STAT1: variants seen among roughly 807,000 people sequenced by gnomAD.
STAT1 encodes the protein signal transducer and activator of transcription 1.
In STAT1, 24 loss-of-function variants were observed where a neutral mutation model predicts 111.7. That is an observed-to-expected ratio of 0.21 (90% CI 0.16 to 0.30). The LOEUF (loss-of-function observed/expected upper bound fraction) is 0.30. Ranked by LOEUF, STAT1 falls within the 10% of genes least tolerant of loss-of-function variation. The probability of loss-of-function intolerance (pLI) is 1.00; values close to 1 mark genes in which losing one functional copy is unlikely to be tolerated. For synonymous variants in STAT1, 332 were observed against 326.5 expected (o/e 1.02, Z -0.18); for missense variants, 351 against 911.9 (o/e 0.38, Z 7.92).
rs2125018144 is a variant in STAT1, at chr2:190,982,370, A to C, written c.1582+13T>G. ...TCAATTTTTATAAACATAACAAGTT[A>C]ATATGCATATACCAAGAAGCTTCTC... On this transcript the variant is annotated intron_variant, in intron 18 of 24. Coordinates refer to ENST00000361099, the MANE Select transcript of STAT1 (RefSeq NM_007315.4). The surrounding 1 kb of genome is among the most constrained non-coding windows in gnomAD (Gnocchi z 7.3). The C allele has an allele frequency of 1.2e-6, 2 of 1,613,838 alleles. No individual in the cohort carries two copies. Among genetic ancestry groups the C allele is most frequent in the Non-Finnish European group, 1.7e-6 (2 of 1,179,674 alleles).
chr2:190,972,164 C>T (rs1421666446), intron 24 of STAT1, among the ~76,000 whole-genome samples: 1 of 152,204 alleles, frequency 6.6e-6, no homozygotes, highest in African/African-American at 2.4e-5. Context: ...CTCTCTAAAT[C>T]TCAAAGTCTT....
Position 190,997,717 on chromosome 2 carries a change from G to T in STAT1, c.785+139C>A. 7.5e-7 allele frequency: 1 copy of T among 1,327,870 alleles called. No homozygotes were observed. The highest frequency in any genetic ancestry group is 1.1e-6 in the Non-Finnish European group (1 of 949,444). The allele number at this position is 1,327,870 out of a possible 1,614,324, so 82.3% of individuals were successfully genotyped here. ...TGCTTTCCAAGGGAGTGTTTCCAGG[G>T]TAAGCAGAAGCTGGACTATGTCAAA... On this transcript the variant is annotated intron_variant, in intron 9 of 24. Coordinates refer to ENST00000361099, the MANE Select transcript of STAT1 (RefSeq NM_007315.4). The surrounding 1 kb of genome is among the most constrained non-coding windows in gnomAD (Gnocchi z 7.3).
rs1049476255 is a variant in STAT1, at chr2:190,977,833, C to T, written c.1874-808G>A. ...CAGGATAAGAGGAAAAGGGCAGGTT[C>T]TAATGACTACTGCCCACGCCAGACT... On this transcript the variant is annotated intron_variant, in intron 21 of 24. Transcript: ENST00000361099. The surrounding 1 kb of genome is among the most constrained non-coding windows in gnomAD (Gnocchi z 4.7). Among the ~76,000 whole-genome samples the T allele has an allele frequency of 6.6e-6, 1 of 152,170 alleles. No homozygotes were observed. The highest frequency in any genetic ancestry group is 1.5e-5 in the Non-Finnish European group (1 of 68,038).
intron 1 of STAT1, 63 bp downstream of exon 1, chr2:191,013,955 C>A (rs552976654): frequency 6.7e-5 from 20 of 296,402 alleles, no homozygotes; most frequent in African/African-American, 2.2e-4. Flanking sequence ...TCCAACTGCA[C>A]GGCCCGAGGA....
rs745369701 is a variant in STAT1 at position 190,989,713 on chromosome 2, ATC to A, written c.1038-41_1038-40del. 41 of 1,427,750 alleles carry A rather than the reference ATC, an allele frequency of 2.9e-5. No homozygotes were observed. Among genetic ancestry groups the A allele is most frequent in the Admixed American group, 8.9e-5 (5 of 56,208 alleles). The allele number at this position is 1,427,750 out of a possible 1,614,324, so 88.4% of individuals were successfully genotyped here. On this transcript the variant is annotated intron_variant, in intron 11 of 24. Transcript: ENST00000361099. This position sits in a 1 kb window ranked among gnomAD's most constrained non-coding sequence, Gnocchi z 5.0. Reference sequence around the variant, plus strand: ...TAAAAGCCATTACTTAAAAAAAATTATCTGTTACAATTTATTTATTATGCCAA... The same window carrying A: ...TAAAAGCCATTACTTAAAAAAAATTATGTTACAATTTATTTATTATGCCAA...
chr2:190,972,526 T>A (rs1691570311), intron 24 of STAT1, among the ~76,000 whole-genome samples: 1 of 152,138 alleles, frequency 6.6e-6, no homozygotes, highest in Non-Finnish European at 1.5e-5. Flanking sequence ...AGCTGCAACC[T>A]CCAGACTTGG....
At chr2:190,972,791 T>C (rs930459434) in intron 24 of STAT1, among the ~76,000 whole-genome samples, 1 of 149,604 alleles carries the variant, frequency 6.7e-6, no homozygotes, top group Non-Finnish European at 1.5e-5. Flanking sequence ...ATGGGTTTAA[T>C]GGGAGGCTTT....
Position 190,996,769 on chromosome 2 carries a change from C to T in STAT1, c.785+1087G>A, listed in dbSNP as rs569288090. 1.3e-5 allele frequency among the ~76,000 whole-genome samples: 2 copies of T among 152,168 alleles called. 1 individual carries two copies. Among genetic ancestry groups the T allele is most frequent in the African/African-American group, 4.8e-5 (2 of 41,502 alleles). On this transcript the variant is annotated intron_variant, in intron 9 of 24. Transcript: ENST00000361099. The surrounding 1 kb of genome is among the most constrained non-coding windows in gnomAD (Gnocchi z 4.5). Reference sequence around the variant, plus strand: ...AAAATAACCTCGTGAGATCTCTGGTCCTTGGACCCTTAGCAATTGTCCCAG... The same window carrying T: ...AAAATAACCTCGTGAGATCTCTGGTTCTTGGACCCTTAGCAATTGTCCCAG...
rs1291487009 is a variant in STAT1 at position 190,978,044 on chromosome 2, A to C, written c.1873+812T>G. ...ACAGAACAAGAAGAGTATGGCAGAAAAACAAATAGAATAAGAGTATTCCAG... is the reference window on the plus strand; with the variant it reads ...ACAGAACAAGAAGAGTATGGCAGAACAACAAATAGAATAAGAGTATTCCAG... On this transcript the variant is annotated intron_variant, in intron 21 of 24. Transcript: ENST00000361099. This position sits in a 1 kb window ranked among gnomAD's most constrained non-coding sequence, Gnocchi z 6.1. Among the ~76,000 whole-genome samples, 1 of 152,200 alleles carries C rather than the reference A, an allele frequency of 6.6e-6. No homozygotes were observed. The highest frequency in any genetic ancestry group is 1.5e-5 in the Non-Finnish European group (1 of 68,040).
At chr2:191,013,836 C>A in intron 1 of STAT1, 158 bp from the exon 2 acceptor site, 1 of 394,034 alleles carries the variant, frequency 2.5e-6, no homozygotes, top group Non-Finnish European at 4.5e-6. Context: ...CTGAGCAGTG[C>A]CATCTCCGAG....
rs1024238623 is a variant in STAT1 at position 190,983,482 on chromosome 2, G to A, written c.1446+160C>T. 6.6e-6 allele frequency among the ~76,000 whole-genome samples: 1 copy of A among 152,172 alleles called. No individual in the cohort carries two copies. Among genetic ancestry groups the A allele is most frequent in the African/African-American group, 2.4e-5 (1 of 41,416 alleles). On this transcript the variant is annotated intron_variant, in intron 17 of 24. Coordinates refer to ENST00000361099, the MANE Select transcript of STAT1 (RefSeq NM_007315.4). The surrounding 1 kb of genome is among the most constrained non-coding windows in gnomAD (Gnocchi z 5.7). ...ATTCTCATTTCAAATACATATCCAT[G>A]CTTCATATTCCCAGATTTACTCAAA...
In STAT1 at chr2:190,978,589, G is replaced by C. The variant is rs1692092595; in HGVS notation, c.1873+267C>G. The C allele has an allele frequency of 2.0e-6, 1 of 509,788 alleles. No individual in the cohort carries two copies. Among genetic ancestry groups the C allele is most frequent in the Admixed American group, 3.0e-5 (1 of 32,894 alleles). 31.6% of individuals were successfully genotyped at this position (509,788 alleles called of 1,614,324 possible). A position where few individuals can be genotyped will look rare whatever the true frequency, so the allele number is the denominator to read the frequency against. On this transcript the variant is annotated intron_variant, in intron 21 of 24. Transcript: ENST00000361099. The surrounding 1 kb of genome is among the most constrained non-coding windows in gnomAD (Gnocchi z 6.1). ...GCAGATTACATTGACTCACATCCTTGATCTGCAGATAACAAACCTGATGCA... is the reference window on the plus strand; with the variant it reads ...GCAGATTACATTGACTCACATCCTTCATCTGCAGATAACAAACCTGATGCA...
rs974034659 is a variant in STAT1, at chr2:190,997,618, G to A, written c.785+238C>T. Among the ~76,000 whole-genome samples the A allele has an allele frequency of 3.3e-5, 5 of 152,116 alleles. No individual in the cohort carries two copies. Among genetic ancestry groups the A allele is most frequent in the Non-Finnish European group, 7.3e-5 (5 of 68,034 alleles). ...TCACTGATGTTTTGTACAGTCAAACGACACCCCATGGTACAGGAGTGCTCC... is the reference window on the plus strand; with the variant it reads ...TCACTGATGTTTTGTACAGTCAAACAACACCCCATGGTACAGGAGTGCTCC... On this transcript the variant is annotated intron_variant, in intron 9 of 24. Coordinates refer to ENST00000361099, the MANE Select transcript of STAT1 (RefSeq NM_007315.4). This position sits in a 1 kb window ranked among gnomAD's most constrained non-coding sequence, Gnocchi z 7.3.
Position 191,004,331 on chromosome 2 carries a change from C to T in STAT1, c.373-3168G>A, listed in dbSNP as rs980647782. On this transcript the variant is annotated intron_variant, in intron 5 of 24. Coordinates refer to ENST00000361099, the MANE Select transcript of STAT1 (RefSeq NM_007315.4). This position sits in a 1 kb window ranked among gnomAD's most constrained non-coding sequence, Gnocchi z 5.0. Reference sequence around the variant, plus strand: ...CGGCTGTCATTGACTCTTACTTTCTCGTTTCACTACTGTACCTCTAGAGAC... The same window carrying T: ...CGGCTGTCATTGACTCTTACTTTCTTGTTTCACTACTGTACCTCTAGAGAC... 2.0e-5 allele frequency among the ~76,000 whole-genome samples: 3 copies of T among 152,240 alleles called. No homozygotes were observed. The highest frequency in any genetic ancestry group is 1.9e-4 in the East Asian group (1 of 5,200).
intron 12 of STAT1, among the ~76,000 whole-genome samples, chr2:190,988,152 G>A (rs1268244551): frequency 6.6e-6 from 1 of 152,174 alleles, no homozygotes; most frequent in Non-Finnish European, 1.5e-5. Context: ...ATGTTCCAAG[G>A]CTAGCACTCA....
chr2:190,991,190 G>T, intron 11 of STAT1, 38 bp downstream of exon 11: 1 of 1,592,358 alleles, frequency 6.3e-7, no homozygotes, highest in South Asian at 1.1e-5. Flanking sequence ...CAAACTACGT[G>T]ACAGGTGATG....
intron 5 of STAT1, among the ~76,000 whole-genome samples, chr2:191,002,100 C>T (rs1694316608): frequency 1.3e-5 from 2 of 152,302 alleles, no homozygotes; most frequent in South Asian, 4.1e-4. Flanking sequence ...ATTGACATTA[C>T]ATCATTCACT....
At chr2:190,991,567 A>G (rs1693338784) in intron 10 of STAT1, among the ~76,000 whole-genome samples, 1 of 152,224 alleles carries the variant, frequency 6.6e-6, no homozygotes, top group Admixed American at 6.5e-5. Context: ...TGAAACAAAC[A>G]TACAATGAAG....
In STAT1 at chr2:190,975,929, T is replaced by A; in HGVS notation, c.2060-42A>T. On this transcript the variant is annotated intron_variant, in intron 22 of 24. Coordinates refer to ENST00000361099, the MANE Select transcript of STAT1 (RefSeq NM_007315.4). The surrounding 1 kb of genome is among the most constrained non-coding windows in gnomAD (Gnocchi z 5.9). ...TGTGTACGCTTTCCATCAACCGAAA[T>A]TCCATCAGAATACAACATCAACTTT... is the stretch of plus-strand genomic sequence containing the variant. The A allele has an allele frequency of 6.5e-7, 1 of 1,540,880 alleles. No homozygotes were observed. The highest frequency in any genetic ancestry group is 9.0e-7 in the Non-Finnish European group (1 of 1,113,798).
Sources: gnomAD v4.1 joint callset for allele counts (sites outside exome capture counted in the v4.1 genomes callset) on GRCh38, gnomAD v4.1.1 for gene constraint, Gnocchi (gnomAD v3.1) non-coding constraint, MANE v1.5 for transcripts, NCBI Gene and HGNC (gene_info 2026-07-23, HGNC 2026-07-21) for gene names.